Variants in GRIP1 observed in about 807,000 individuals in gnomAD.
GRIP1 encodes the protein glutamate receptor-interacting protein 1.
Under a neutral mutation model 129.9 loss-of-function variants are expected in GRIP1, and 45 were observed. The observed-to-expected ratio is 0.35, with a 90% confidence interval of 0.27 to 0.44. The LOEUF (loss-of-function observed/expected upper bound fraction) is 0.44. Ranked by LOEUF, GRIP1 falls within the 20% of genes least tolerant of loss-of-function variation. The pLI is 1.00. For synonymous variants in GRIP1, 530 were observed against 520.8 expected (o/e 1.02, Z -0.24); for missense variants, 1,196 against 1,396.8 (o/e 0.86, Z 2.29).
At chr12:66,903,654 A>G (rs1238593102) in intron 1 of GRIP1, among the ~76,000 whole-genome samples, 1 of 152,214 alleles carries the variant, frequency 6.6e-6, no homozygotes, top group African/African-American at 2.4e-5. Context: ...TTTAGGAAAC[A>G]CTACATTTTC....
intron 8 of GRIP1, among the ~76,000 whole-genome samples, chr12:66,463,720 T>A (rs1592369690): frequency 6.6e-6 from 1 of 152,030 alleles, no homozygotes; most frequent in South Asian, 2.1e-4. Flanking sequence ...GCCTGCATGG[T>A]GAGTCAAGGG....
intron 1 of GRIP1, among the ~76,000 whole-genome samples, chr12:66,999,404 G>A (rs2042517521): frequency 1.3e-5 from 2 of 152,130 alleles, no homozygotes; most frequent in Non-Finnish European, 2.9e-5. Flanking sequence ...TGGGGGTAGA[G>A]CCAGGTTGAA....
chr12:66,726,248 G>C (rs1199459875), intron 1 of GRIP1, among the ~76,000 whole-genome samples: 1 of 152,178 alleles, frequency 6.6e-6, no homozygotes, highest in East Asian at 1.9e-4. Context: ...AATATTGTAA[G>C]GCAGCAGGTC....
chr12:67,011,194 G>A (rs771907418), intron 1 of GRIP1, among the ~76,000 whole-genome samples: 14 of 151,858 alleles, frequency 9.2e-5, no homozygotes, highest in South Asian at 8.3e-4. Flanking sequence ...CTTCTCCTCC[G>A]GAGTTCCCAT....
intron 1 of GRIP1, among the ~76,000 whole-genome samples, chr12:66,938,748 G>A (rs983147497): frequency 3.3e-5 from 5 of 151,750 alleles, no homozygotes; most frequent in Non-Finnish European, 7.4e-5. Context: ...CACCAGGTCA[G>A]GAGATCAAGA....
chr12:66,433,500 G>A (rs6581696), intron 13 of GRIP1, among the ~76,000 whole-genome samples: 139,855 of 152,248 alleles, frequency 0.92, 65,087 homozygotes, highest in Non-Finnish European at 1. Flanking sequence ...CTAATATCAA[G>A]GCAACAGAGA....
chr12:66,792,690 T>C (rs547046642), intron 1 of GRIP1, among the ~76,000 whole-genome samples: 8 of 152,258 alleles, frequency 5.3e-5, no homozygotes, highest in African/African-American at 1.4e-4. Context: ...CAATTTCTGA[T>C]TGAGGAACAC....
intron 1 of GRIP1, among the ~76,000 whole-genome samples, chr12:66,624,367 G>A (rs1192747923): frequency 6.6e-6 from 1 of 152,126 alleles, no homozygotes; most frequent in East Asian, 1.9e-4. Context: ...ACGTCAAAAT[G>A]TGTAATAGGT....
At chr12:66,766,819 A>T (rs2037655196) in intron 1 of GRIP1, among the ~76,000 whole-genome samples, 2 of 152,212 alleles carry the variant, frequency 1.3e-5, no homozygotes, top group Admixed American at 1.3e-4. Context: ...TGCTCTTCCT[A>T]GTTCAGTGTT....
intron 1 of GRIP1, among the ~76,000 whole-genome samples, chr12:66,940,993 C>G (rs2041575138): frequency 6.6e-6 from 1 of 151,776 alleles, no homozygotes; most frequent in African/African-American, 2.4e-5. Context: ...GAATTTCCAC[C>G]AAAAAAGCTC....
At chr12:66,714,970 C>T (rs967087007) in intron 1 of GRIP1, among the ~76,000 whole-genome samples, 2 of 151,850 alleles carry the variant, frequency 1.3e-5, no homozygotes, top group Non-Finnish European at 2.9e-5. Context: ...TACATCCATC[C>T]AACCCATCAG....
intron 2 of GRIP1, among the ~76,000 whole-genome samples, chr12:66,582,832 C>T (rs2063451975): frequency 6.9e-6 from 1 of 145,602 alleles, no homozygotes; most frequent in Admixed American, 6.9e-5. Flanking sequence ...CCATACTGCC[C>T]AAGGTAATTT....
intron 1 of GRIP1, among the ~76,000 whole-genome samples, chr12:66,848,443 C>T (rs2039856395): frequency 6.6e-6 from 1 of 152,028 alleles, no homozygotes; most frequent in Non-Finnish European, 1.5e-5. Context: ...GCTGACAATC[C>T]AAAGGAGTGG....
At chr12:66,614,211 C>T (rs1263247489) in intron 1 of GRIP1, among the ~76,000 whole-genome samples, 1 of 152,014 alleles carries the variant, frequency 6.6e-6, no homozygotes, top group Non-Finnish European at 1.5e-5. Context: ...CCTTTAAATG[C>T]TAAAAGCTCT....
chr12:66,787,012 A>C (rs1186262999), intron 1 of GRIP1, among the ~76,000 whole-genome samples: 1 of 152,116 alleles, frequency 6.6e-6, no homozygotes. Flanking sequence ...TCCAAAACAA[A>C]ACAACAAGCC....
At chr12:66,969,136 T>G (rs2042037472) in intron 1 of GRIP1, among the ~76,000 whole-genome samples, 1 of 152,188 alleles carries the variant, frequency 6.6e-6, no homozygotes, top group Non-Finnish European at 1.5e-5. Context: ...CCCCAGGGCT[T>G]CTTTCAAGAT....
chr12:66,488,752 A>G (rs2060025663), intron 7 of GRIP1, among the ~76,000 whole-genome samples: 1 of 152,128 alleles, frequency 6.6e-6, no homozygotes, highest in African/African-American at 2.4e-5. Context: ...AAGAGAGAAG[A>G]ATCAAGTAAA....
At chr12:66,674,157 C>CAG (rs759044154) in intron 1 of GRIP1, among the ~76,000 whole-genome samples, 2 of 151,868 alleles carry the variant, frequency 1.3e-5, no homozygotes, top group South Asian at 2.1e-4. Context: ...AGGTCCAGCA[C>CAG]AGAGAGAGAG....
intron 1 of GRIP1, among the ~76,000 whole-genome samples, chr12:66,762,364 C>T (rs992928792): frequency 3.9e-5 from 6 of 152,132 alleles, no homozygotes; most frequent in Non-Finnish European, 8.8e-5. Flanking sequence ...GCTGGGAGGA[C>T]CCCAATCCCT....
Sources: gnomAD v4.1 joint callset for allele counts (sites outside exome capture counted in the v4.1 genomes callset) on GRCh38, gnomAD v4.1.1 for gene constraint, MANE v1.5 for transcripts, NCBI Gene and HGNC (gene_info 2026-07-23, HGNC 2026-07-21) for gene names.